GNA14: variants seen among roughly 807,000 people sequenced by gnomAD.
GNA14 encodes G protein subunit alpha 14.
In GNA14, 50 loss-of-function variants were observed where a neutral mutation model predicts 42.0. That is an observed-to-expected ratio of 1.19 (90% CI 0.95 to 1.51). The LOEUF is 1.51. GNA14 is among the 40% of genes most tolerant of loss of function. The pLI, the probability that GNA14 is intolerant of heterozygous loss-of-function variation, is 0.00. For synonymous variants in GNA14, 173 were observed against 163.1 expected, an observed-to-expected ratio of 1.06 and a Z score of -0.46; for missense variants, 473 against 446.2, an observed-to-expected ratio of 1.06 and a Z score of -0.54.
intron 1 of GNA14, among the ~76,000 whole-genome samples, chr9:77,563,547 T>C (rs1213765707): frequency 1.3e-5 from 2 of 152,194 alleles, no homozygotes; most frequent in Non-Finnish European, 1.5e-5. Context: ...ATATGCCTGA[T>C]TCTTCATAGG....
At position 77,615,431 on chromosome 9, in the gene GNA14, T is replaced by TCA. The variant is rs1455723224; in HGVS notation, c.124+32237_124+32238dup. Among the ~76,000 whole-genome samples, 15 of 152,144 alleles carry TCA rather than the reference T, an allele frequency of 9.9e-5. 1 individual carries two copies. The East Asian group carries it at 1.7e-3, about 18-fold the overall frequency. On this transcript the variant is annotated intron_variant, in intron 1 of 6. Transcript: ENST00000341700. ...TTGGCAAAGTCCTGAGGAGTTCCCATCACCTCCAGAAAAACTTGTTCAAGC... is the reference window on the plus strand; with the variant it reads ...TTGGCAAAGTCCTGAGGAGTTCCCATCACACCTCCAGAAAAACTTGTTCAAGC...
intron 1 of GNA14, among the ~76,000 whole-genome samples, chr9:77,537,299 T>TTA (rs1216165645): frequency 6.6e-5 from 10 of 152,340 alleles, no homozygotes; most frequent in Non-Finnish European, 1.2e-4. Context: ...ACCAAGTGTT[T>TTA]TATCTCCCAC....
chr9:77,447,720 T>C (rs988758035), intron 2 of GNA14, among the ~76,000 whole-genome samples: 17 of 152,108 alleles, frequency 1.1e-4, no homozygotes, highest in Non-Finnish European at 2.2e-4. Context: ...AGTCCTTCAC[T>C]AGATTATTTG....
At chr9:77,490,468 G>T (rs1564030079) in intron 2 of GNA14, among the ~76,000 whole-genome samples, 1 of 152,248 alleles carries the variant, frequency 6.6e-6, no homozygotes, top group Admixed American at 6.5e-5. Context: ...GGCTGCACAG[G>T]AACCCATGGA....
chr9:77,646,059 A>C (rs145592317), intron 1 of GNA14, among the ~76,000 whole-genome samples: 1 of 152,334 alleles, frequency 6.6e-6, no homozygotes, highest in East Asian at 1.9e-4. Context: ...GGGACAATTT[A>C]GAATTTTCAG....
intron 2 of GNA14, among the ~76,000 whole-genome samples, chr9:77,481,942 T>TC (rs1836560054): frequency 6.6e-6 from 1 of 152,206 alleles, no homozygotes; most frequent in South Asian, 2.1e-4. Context: ...CCTATGTATG[T>TC]CCCTGCATGT....
chr9:77,481,543 G>A (rs1369443140), intron 2 of GNA14, among the ~76,000 whole-genome samples: 3 of 152,184 alleles, frequency 2.0e-5, no homozygotes, highest in Non-Finnish European at 4.4e-5. Context: ...GGGGTGGAGA[G>A]TTCTGTAGAT....
intron 2 of GNA14, among the ~76,000 whole-genome samples, chr9:77,500,987 G>T (rs542547497): frequency 4.0e-5 from 6 of 151,328 alleles, no homozygotes; most frequent in African/African-American, 1.2e-4. Flanking sequence ...ACAGAATCTC[G>T]CTCTGTCACC....
intron 1 of GNA14, among the ~76,000 whole-genome samples, chr9:77,593,799 A>T (rs7024098): frequency 1.2e-4 from 18 of 152,176 alleles, no homozygotes; most frequent in Non-Finnish European, 2.2e-4. Context: ...CTGTCCAAGG[A>T]CACATTGGCA....
At chr9:77,458,459 C>A (rs1836045589) in intron 2 of GNA14, among the ~76,000 whole-genome samples, 1 of 152,116 alleles carries the variant, frequency 6.6e-6, no homozygotes, top group Admixed American at 6.5e-5. Flanking sequence ...GAGAAGACCC[C>A]ATCACAGTAG....
At chr9:77,548,874 C>T (rs1177922440) in intron 1 of GNA14, among the ~76,000 whole-genome samples, 1 of 152,190 alleles carries the variant, frequency 6.6e-6, no homozygotes, top group Admixed American at 6.5e-5. Context: ...CCAGAGATCC[C>T]TTCCCATTTA....
At chr9:77,544,741 A>G (rs2131778099) in intron 1 of GNA14, among the ~76,000 whole-genome samples, 1 of 152,082 alleles carries the variant, frequency 6.6e-6, no homozygotes, top group East Asian at 1.9e-4. Flanking sequence ...AGAATGACTC[A>G]TAATTGTTTT....
chr9:77,647,584 A>G (rs1824378489), intron 1 of GNA14, 86 bp downstream of exon 1: 1 of 1,462,784 alleles, frequency 6.8e-7, no homozygotes, highest in East Asian at 2.5e-5. Flanking sequence ...GCTGGGCTCC[A>G]GGGCCGCGCG....
intron 1 of GNA14, among the ~76,000 whole-genome samples, chr9:77,623,216 C>CAAAAAAAAAAAAAAAAAAAAAAAA (rs34368561): frequency 3.4e-4 from 9 of 26,856 alleles, no homozygotes; most frequent in Non-Finnish European, 9.0e-4. Flanking sequence ...GACGCTGTCT[C>CAAAAAAAAAAAAAAAAAAAAAAAA]AAAAAAAAAA....
In GNA14 at chr9:77,634,997, C is replaced by T. The variant is rs147184243; in HGVS notation, c.124+12673G>A. 4.6e-3 allele frequency among the ~76,000 whole-genome samples: 708 copies of T among 152,286 alleles called. 6 individuals are homozygous for T. The highest frequency in any genetic ancestry group is 0.016 in the African/African-American group (679 of 41,552). On this transcript the variant is annotated intron_variant, in intron 1 of 6. Coordinates refer to ENST00000341700, the MANE Select transcript of GNA14 (RefSeq NM_004297.4). ...ATAATATCATACATTGGAGTTCCCA[C>T]ACACGTTTGGTCACTATTATTATTT...
chr9:77,598,082 T>A lies in GNA14; in HGVS notation c.124+49588A>T, dbSNP rs115854115. Among the ~76,000 whole-genome samples, 322 of 152,234 alleles carry A rather than the reference T, an allele frequency of 2.1e-3. 1 individual carries two copies. Among genetic ancestry groups the A allele is most frequent in the African/African-American group, 7.6e-3 (314 of 41,550 alleles). On this transcript the variant is annotated intron_variant, in intron 1 of 6. Coordinates refer to ENST00000341700, the MANE Select transcript of GNA14 (RefSeq NM_004297.4). Reference sequence around the variant, plus strand: ...AGCAAAAAACTTTTTTGTCAACATATGGAACCTCTTTCCTTTCATCTATAC... The same window carrying A: ...AGCAAAAAACTTTTTTGTCAACATAAGGAACCTCTTTCCTTTCATCTATAC...
intron 4 of GNA14, 129 bp downstream of exon 4, chr9:77,431,192 C>G: frequency 1.2e-6 from 1 of 800,142 alleles, no homozygotes; most frequent in South Asian, 2.3e-5. Context: ...TTCTAAATAC[C>G]CTTGGCAGAG....
At position 77,601,470 on chromosome 9, in the gene GNA14, T is replaced by C. The variant is rs149344161; in HGVS notation, c.124+46200A>G. ...ATAAAGCTCTCTGACCTTATATGTTTTAGGAATGAAGAGTTCCAGTATTTT... is the reference window on the plus strand; with the variant it reads ...ATAAAGCTCTCTGACCTTATATGTTCTAGGAATGAAGAGTTCCAGTATTTT... On this transcript the variant is annotated intron_variant, in intron 1 of 6. Coordinates refer to ENST00000341700, the MANE Select transcript of GNA14 (RefSeq NM_004297.4). 5.9e-3 allele frequency among the ~76,000 whole-genome samples: 899 copies of C among 152,354 alleles called. 8 individuals carry two copies. Among genetic ancestry groups the C allele is most frequent in the African/African-American group, 0.021 (857 of 41,592 alleles).
At chr9:77,468,454 G>A (rs1836274957) in intron 2 of GNA14, among the ~76,000 whole-genome samples, 1 of 152,064 alleles carries the variant, frequency 6.6e-6, no homozygotes, top group South Asian at 2.1e-4. Flanking sequence ...TCTCTTTTTG[G>A]TCACTGTCTA....
Sources: allele counts gnomAD v4.1 joint callset (sites outside exome capture counted in the v4.1 genomes callset), GRCh38; gene constraint gnomAD v4.1.1; transcripts MANE v1.5; gene names NCBI Gene and HGNC (gene_info 2026-07-23, HGNC 2026-07-21).